PAPPA2: variants seen among roughly 807,000 people sequenced by gnomAD.
PAPPA2 encodes the protein pappalysin-2.
Under a neutral mutation model 176.4 loss-of-function variants are expected in PAPPA2, and 86 were observed. The ratio of observed to expected loss-of-function variants is 0.49; its 90% CI spans 0.41 to 0.58. PAPPA2 has a LOEUF of 0.58. PAPPA2 is among the 20% of genes least tolerant of loss of function. The pLI is 0.00. For missense variants in PAPPA2, 2,073 were observed against 2,256.9 expected (o/e 0.92, Z 1.65); for synonymous variants, 809 against 852.2 (o/e 0.95, Z 0.88).
At chr1:176,568,668 C>G (rs997142272) in intron 2 of PAPPA2, among the ~76,000 whole-genome samples, 23 of 152,198 alleles carry the variant, frequency 1.5e-4, no homozygotes, top group African/African-American at 5.5e-4. Context: ...CTAGGAGTTC[C>G]TGTCTCACAT....
At chr1:176,646,070 C>T (rs546102361) in intron 3 of PAPPA2, among the ~76,000 whole-genome samples, 12 of 151,482 alleles carry the variant, frequency 7.9e-5, no homozygotes, top group African/African-American at 2.9e-4. Context: ...GTTTCCTTTG[C>T]AGTGCAAAAG....
chr1:176,822,852 A>G (rs1468068704), intron 21 of PAPPA2, among the ~76,000 whole-genome samples: 1 of 152,184 alleles, frequency 6.6e-6, no homozygotes, highest in Non-Finnish European at 1.5e-5. Flanking sequence ...AATTTCTAAT[A>G]ATTTATATTC....
chr1:176,656,593 G>A (rs12117554), intron 3 of PAPPA2, among the ~76,000 whole-genome samples: 6,161 of 151,824 alleles, frequency 0.041, 152 homozygotes, highest in Non-Finnish European at 0.056. Context: ...TAACTGGAGC[G>A]GACATGATGT....
At chr1:176,529,521 T>C (rs1157067014) in intron 1 of PAPPA2, among the ~76,000 whole-genome samples, 2 of 151,756 alleles carry the variant, frequency 1.3e-5, no homozygotes, top group Non-Finnish European at 1.5e-5. Context: ...TATATGGCAT[T>C]TTCTTCTATG....
At chr1:176,625,738 A>G (rs1193548654) in intron 3 of PAPPA2, among the ~76,000 whole-genome samples, 1 of 152,204 alleles carries the variant, frequency 6.6e-6, no homozygotes, top group African/African-American at 2.4e-5. Context: ...AGTATATACG[A>G]CATACTTGGC....
intron 14 of PAPPA2, among the ~76,000 whole-genome samples, chr1:176,744,732 C>T (rs1391490404): frequency 6.6e-6 from 1 of 152,146 alleles, no homozygotes; most frequent in African/African-American, 2.4e-5. Flanking sequence ...AGTTTGGCTT[C>T]ATTACTATTC....
chr1:176,490,037 G>A (rs1344803306), intron 1 of PAPPA2, among the ~76,000 whole-genome samples: 1 of 152,154 alleles, frequency 6.6e-6, no homozygotes, highest in Non-Finnish European at 1.5e-5. Flanking sequence ...AGGAAAACAA[G>A]GCTGTCATTA....
At chr1:176,470,935 C>T (rs1651843294) in intron 1 of PAPPA2, among the ~76,000 whole-genome samples, 1 of 151,904 alleles carries the variant, frequency 6.6e-6, no homozygotes, top group South Asian at 2.1e-4. Context: ...GTTCCAAGTC[C>T]CCAGTGGCTT....
intron 3 of PAPPA2, among the ~76,000 whole-genome samples, chr1:176,649,604 A>AT (rs1261722976): frequency 6.6e-6 from 1 of 150,910 alleles, no homozygotes; most frequent in Non-Finnish European, 1.5e-5. Flanking sequence ...TTGTATTTCC[A>AT]TTTTCATTTG....
In PAPPA2 at chr1:176,699,170, C is replaced by A; in HGVS notation, c.2817C>A (p.His939Gln). The A allele has an allele frequency of 6.2e-7, 1 of 1,614,146 alleles. No individual in the cohort carries two copies. Among genetic ancestry groups the A allele is most frequent in the African/African-American group, 1.3e-5 (1 of 75,052 alleles). The part of the protein sequence containing the change: ...QAWSPEVHLY[H>Q]MNMTVPCPTE... ...GGAGCCCTGAGGTCCACCTGTACCA[C>A]ATGAACATGACGGTCCCCTGCCCCA... The change falls in exon 8 of 23, where the codon CAC becomes CAA. Residue 939 changes from histidine (H) to glutamine (Q), a missense_variant. Physicochemically the swap from His to Gln is conservative, Grantham distance 24. Around this residue, in one of 4 missense-constraint regions of PAPPA2, gnomAD observed 1,196 missense variants for 1,330.4 expected, o/e 0.90. Coordinates refer to ENST00000367662, the MANE Select transcript of PAPPA2 (RefSeq NM_020318.3).
At chr1:176,792,992 G>A (rs1483678131) in intron 19 of PAPPA2, among the ~76,000 whole-genome samples, 4 of 152,130 alleles carry the variant, frequency 2.6e-5, no homozygotes, top group African/African-American at 9.7e-5. Flanking sequence ...TTTATTGGCT[G>A]CTGATGCAAT....
chr1:176,617,902 G>T (rs1339622342), intron 3 of PAPPA2, among the ~76,000 whole-genome samples: 1 of 152,124 alleles, frequency 6.6e-6, no homozygotes, highest in Non-Finnish European at 1.5e-5. Context: ...AATTGAAAAG[G>T]TGCTCCTTCT....
chr1:176,719,456 G>C (rs2102847147), intron 12 of PAPPA2, among the ~76,000 whole-genome samples: 1 of 152,242 alleles, frequency 6.6e-6, no homozygotes, highest in South Asian at 2.1e-4. Context: ...GTGTGTTGAT[G>C]AATTGTCGTG....
chr1:176,762,257 T>C (rs2102901743), intron 14 of PAPPA2, among the ~76,000 whole-genome samples: 1 of 152,136 alleles, frequency 6.6e-6, no homozygotes, highest in South Asian at 2.1e-4. Context: ...GGTCCTTTTT[T>C]TTTTTTTTTC....
chr1:176,777,481 G>T (rs1311184567), intron 17 of PAPPA2, among the ~76,000 whole-genome samples: 2 of 152,062 alleles, frequency 1.3e-5, no homozygotes, highest in Non-Finnish European at 2.9e-5. Flanking sequence ...TTAAGTTTTA[G>T]AATTAAACAC....
At chr1:176,734,581 A>G (rs1365349664) in intron 12 of PAPPA2, among the ~76,000 whole-genome samples, 1 of 152,040 alleles carries the variant, frequency 6.6e-6, no homozygotes, top group African/African-American at 2.4e-5. Context: ...CACATCCTCA[A>G]TCATGGAGAC....
chr1:176,474,021 A>C (rs531457120), intron 1 of PAPPA2, among the ~76,000 whole-genome samples: 7 of 152,206 alleles, frequency 4.6e-5, no homozygotes, highest in African/African-American at 7.2e-5. Context: ...AGAATTCTGA[A>C]AACAGTAAAG....
chr1:176,800,706 C>T (rs1665644993), intron 21 of PAPPA2, among the ~76,000 whole-genome samples: 2 of 152,208 alleles, frequency 1.3e-5, no homozygotes. Flanking sequence ...AGCTGCACCC[C>T]AGGTGGGCAA....
intron 1 of PAPPA2, among the ~76,000 whole-genome samples, chr1:176,513,294 G>A (rs1558410679): frequency 6.6e-6 from 1 of 151,862 alleles, no homozygotes; most frequent in Admixed American, 6.6e-5. Flanking sequence ...TAGCTTTTTG[G>A]ATAAACTTGT....
Sources: allele counts gnomAD v4.1 joint callset (sites outside exome capture counted in the v4.1 genomes callset), GRCh38; gene constraint gnomAD v4.1.1; regional missense constraint gnomAD v4.1.1; transcripts MANE v1.5; gene names NCBI Gene and HGNC (gene_info 2026-07-23, HGNC 2026-07-21).